SMARCE1: variants seen among roughly 807,000 people sequenced by gnomAD.
SMARCE1 encodes the protein SWI/SNF-related matrix-associated actin-dependent regulator of chromatin subfamily E member 1.
In SMARCE1, 13 loss-of-function variants were observed where a neutral mutation model predicts 54.9. The ratio of observed to expected loss-of-function variants is 0.24; its 90% CI spans 0.15 to 0.38. The LOEUF is 0.38. Ranked by LOEUF, SMARCE1 falls within the 10% of genes least tolerant of loss-of-function variation. The pLI is 1.00. For missense variants in SMARCE1, 295 were observed against 523.8 expected, an observed-to-expected ratio of 0.56 and a Z score of 4.26; for synonymous variants, 151 against 175.3, an observed-to-expected ratio of 0.86 and a Z score of 1.10.
intron 4 of SMARCE1, among the ~76,000 whole-genome samples, chr17:40,640,232 G>GT (rs1431465115): frequency 5.3e-5 from 8 of 152,298 alleles, no homozygotes; most frequent in Non-Finnish European, 7.4e-5. Flanking sequence ...GAAATAGGCT[G>GT]TTTTTAAAGA....
chr17:40,635,787 C>A (rs1035656283), intron 7 of SMARCE1, 144 bp downstream of exon 7: 2 of 553,514 alleles, frequency 3.6e-6, no homozygotes, highest in African/African-American at 3.9e-5. Context: ...AAATCTTACT[C>A]AATATAACCA....
intron 9 of SMARCE1, chr17:40,631,128 C>T: frequency 1.8e-6 from 1 of 551,492 alleles, no homozygotes; most frequent in Non-Finnish European, 3.2e-6. Flanking sequence ...GCAGCTCTAG[C>T]AGTTGTATAA....
chr17:40,637,222 G>A (rs148178265), intron 5 of SMARCE1: 26 of 425,262 alleles, frequency 6.1e-5, no homozygotes, highest in Admixed American at 5.0e-4. Flanking sequence ...TTTTCCTCAC[G>A]TCATTAAATA....
chr17:40,642,334 A>C lies in SMARCE1; in HGVS notation c.156+121T>G. 1.4e-6 allele frequency: 1 copy of C among 732,440 alleles called. No individual in the cohort carries two copies. The highest frequency in any genetic ancestry group is 2.5e-5 in the East Asian group (1 of 39,312). 45.4% of individuals were successfully genotyped at this position (732,440 alleles called of 1,614,324 possible). On this transcript the variant is annotated intron_variant, in intron 4 of 10. Coordinates refer to ENST00000348513, the MANE Select transcript of SMARCE1 (RefSeq NM_003079.5). This position sits in a 1 kb window ranked among gnomAD's most constrained non-coding sequence, Gnocchi z 4.6. ...ACAACGAATGTTGAAAATACTCAAA[A>C]AGCTAGGTTAAAAAATTTTTTTTAA...
chr17:40,630,250 G>A (rs866518680), intron 10 of SMARCE1: 1 of 1,545,140 alleles, frequency 6.5e-7, no homozygotes, highest in Middle Eastern at 1.7e-4. Context: ...ATACCTAGAA[G>A]TAAGGGTTTT....
intron 1 of SMARCE1, among the ~76,000 whole-genome samples, chr17:40,646,125 T>C (rs945166941): frequency 2.0e-5 from 3 of 152,190 alleles, no homozygotes; most frequent in African/African-American, 7.2e-5. Flanking sequence ...GGAAAACATT[T>C]TGCTGACGCC....
At position 40,635,764 on chromosome 17, in the gene SMARCE1, G is replaced by A. The variant is rs2037140401; in HGVS notation, c.541+167C>T. On this transcript the variant is annotated intron_variant, in intron 7 of 10. Coordinates refer to ENST00000348513, the MANE Select transcript of SMARCE1 (RefSeq NM_003079.5). ...AAAAGGATATTTCTTTTTCTTGTGG[G>A]AAATTCACATACAAATCTTACTCAA... 4 of 442,994 alleles carry A rather than the reference G, an allele frequency of 9.0e-6. No individual in the cohort carries two copies. In the East Asian group the frequency reaches 1.4e-4, roughly 16 times the overall value. 27.4% of individuals were successfully genotyped at this position (442,994 alleles called of 1,614,324 possible).
chr17:40,634,993 C>T (rs546584972), intron 7 of SMARCE1: 27 of 152,192 alleles, frequency 1.8e-4, no homozygotes, highest in South Asian at 1.2e-3. Context: ...TTTATGAGAA[C>T]ATTTGACAAT....
At chr17:40,634,427 C>A (rs1351533145) in intron 7 of SMARCE1, 1 of 152,416 alleles carries the variant, frequency 6.6e-6, no homozygotes, top group East Asian at 1.9e-4. Context: ...GCCATGGCGC[C>A]TGGCAATGTC....
At chr17:40,631,032 C>T in intron 9 of SMARCE1, 108 bp from the exon 10 acceptor site, 1 of 775,736 alleles carries the variant, frequency 1.3e-6, no homozygotes, top group Admixed American at 2.7e-5. Context: ...ATATATATAT[C>T]TATACACCTG....
intron 1 of SMARCE1, chr17:40,647,475 A>C (rs1238279017): frequency 6.6e-6 from 1 of 152,518 alleles, no homozygotes; most frequent in African/African-American, 2.4e-5. Context: ...CGGCTTCCTG[A>C]GGTCGCTCTC....
intron 10 of SMARCE1, chr17:40,629,802 G>C: frequency 2.6e-6 from 1 of 387,072 alleles, no homozygotes; most frequent in Non-Finnish European, 4.6e-6. Context: ...ACAAAAATGT[G>C]CTCATGCTCC....
At chr17:40,630,670 A>T (rs2143984318) in intron 10 of SMARCE1, 44 bp downstream of exon 10, 1 of 1,516,768 alleles carries the variant, frequency 6.6e-7, no homozygotes, top group East Asian at 2.3e-5. Context: ...AGACAGCCGT[A>T]CAAAGTCTTG....
intron 3 of SMARCE1, chr17:40,645,345 CTG>C (rs1476091988): frequency 4.8e-6 from 2 of 418,656 alleles, no homozygotes; most frequent in Non-Finnish European, 4.2e-6. Flanking sequence ...ACAAAACAAA[CTG>C]AGCACAGGAG....
At chr17:40,631,247 T>C (rs1480679859) in intron 9 of SMARCE1, 2 of 336,966 alleles carry the variant, frequency 5.9e-6, no homozygotes, top group African/African-American at 2.1e-5. Flanking sequence ...CTTGTCTGAA[T>C]GCAAAGTGCA....
rs1010265438 is a variant in SMARCE1, at chr17:40,625,547, T to G, written c.*3238A>C. On this transcript the variant is annotated 3_prime_UTR_variant, in exon 11 of 11. Coordinates refer to ENST00000348513, the MANE Select transcript of SMARCE1 (RefSeq NM_003079.5). ...GGGAAACTATTTCTGAAATGAGGAC[T>G]TAAAGTATAATACCAGCTTCACTGC... 6.8e-6 allele frequency: 1 copy of G among 147,068 alleles called. No individual in the cohort carries two copies. Among genetic ancestry groups the G allele is most frequent in the Non-Finnish European group, 1.5e-5 (1 of 67,222 alleles). The allele number at this position is 147,068 out of a possible 1,614,324, so 9.1% of individuals were successfully genotyped here.
Position 40,635,622 on chromosome 17 carries a change from T to C in SMARCE1, c.541+309A>G, listed in dbSNP as rs145090511. On this transcript the variant is annotated intron_variant, in intron 7 of 10. Transcript: ENST00000348513. ...GAAAACAAGATATAATTAGAATGCA[T>C]TTAGCTTTTTAAAAGCAGATGAGGC... The C allele has an allele frequency of 0.014, 2,746 of 194,074 alleles. 32 individuals are homozygous for C. Among genetic ancestry groups the C allele is most frequent in the Non-Finnish European group, 0.02 (1,880 of 96,342 alleles). 12.0% of individuals were successfully genotyped at this position (194,074 alleles called of 1,614,324 possible). A position where few individuals can be genotyped will look rare whatever the true frequency, so the allele number is the denominator to read the frequency against.
chr17:40,637,967 C>G (rs1051763649), intron 4 of SMARCE1, among the ~76,000 whole-genome samples: 1 of 152,114 alleles, frequency 6.6e-6, no homozygotes, highest in Non-Finnish European at 1.5e-5. Flanking sequence ...GGATCTGAAC[C>G]CTTAACACTT....
At position 40,632,562 on chromosome 17, in the gene SMARCE1, G is replaced by T. The variant is rs7210265; in HGVS notation, c.542-195C>A. 717 of 534,004 alleles carry T rather than the reference G, an allele frequency of 1.3e-3. 8 individuals are homozygous for T. Among genetic ancestry groups the T allele is most frequent in the African/African-American group, 0.011 (589 of 51,936 alleles). The allele number at this position is 534,004 out of a possible 1,614,324, so 33.1% of individuals were successfully genotyped here. ...GGACGTAATGTGTTCATTGGCCAAG[G>T]TAGTAATTTATCTCACAGTCTTTAA... On this transcript the variant is annotated intron_variant, in intron 7 of 10. Coordinates refer to ENST00000348513, the MANE Select transcript of SMARCE1 (RefSeq NM_003079.5).
Sources: allele counts gnomAD v4.1 joint callset (sites outside exome capture counted in the v4.1 genomes callset), GRCh38; gene constraint gnomAD v4.1.1; non-coding constraint Gnocchi (gnomAD v3.1); transcripts MANE v1.5; gene names NCBI Gene and HGNC (gene_info 2026-07-23, HGNC 2026-07-21).